Variants in DPP10 observed in about 807,000 individuals in gnomAD.
DPP10 encodes the protein inactive dipeptidyl peptidase 10.
A neutral mutation model predicts 120.9 loss-of-function variants in DPP10; 33 were observed. The ratio of observed to expected loss-of-function variants is 0.27; its 90% confidence interval spans 0.21 to 0.37. DPP10 has a LOEUF of 0.37. Among genes scored for constraint, DPP10 ranks in the 10% least tolerant of loss-of-function variants. The pLI, the probability that DPP10 is intolerant of heterozygous loss-of-function variation, is 1.00. For missense variants in DPP10, 816 were observed against 942.8 expected (o/e 0.87, Z 1.76); for synonymous variants, 337 against 326.1 (o/e 1.03, Z -0.36).
At chr2:114,783,507 A>G (rs2106204142) in intron 1 of DPP10, among the ~76,000 whole-genome samples, 1 of 152,174 alleles carries the variant, frequency 6.6e-6, no homozygotes, top group South Asian at 2.1e-4. Flanking sequence ...TAAACATAAA[A>G]TATTTGCATT....
chr2:114,868,144 A>G (rs1399573075), intron 1 of DPP10, among the ~76,000 whole-genome samples: 1 of 152,184 alleles, frequency 6.6e-6, no homozygotes, highest in Non-Finnish European at 1.5e-5. Context: ...TATGATTTGA[A>G]TACTTAAGAC....
At chr2:115,656,060 T>C (rs1168645279) in intron 5 of DPP10, among the ~76,000 whole-genome samples, 2 of 151,604 alleles carry the variant, frequency 1.3e-5, no homozygotes, top group East Asian at 3.9e-4. Flanking sequence ...TAACATAGTA[T>C]CTATATTAAT....
intron 1 of DPP10, among the ~76,000 whole-genome samples, chr2:115,231,119 G>C (rs1055198907): frequency 1.3e-5 from 2 of 151,778 alleles, no homozygotes; most frequent in Non-Finnish European, 2.9e-5. Flanking sequence ...CTGCATAACT[G>C]TGTTTTAAGT....
chr2:114,722,755 G>A (rs1701781697), intron 1 of DPP10, among the ~76,000 whole-genome samples: 4 of 105,874 alleles, frequency 3.8e-5, no homozygotes, highest in Non-Finnish European at 6.7e-5. Flanking sequence ...CAGCCTGGGA[G>A]ACAGAGCTAG....
At chr2:115,463,589 G>A (rs1253774569) in intron 3 of DPP10, among the ~76,000 whole-genome samples, 2 of 152,104 alleles carry the variant, frequency 1.3e-5, no homozygotes, top group Non-Finnish European at 2.9e-5. Flanking sequence ...AATACACAAA[G>A]TGTAATTTAT....
intron 1 of DPP10, among the ~76,000 whole-genome samples, chr2:114,814,550 C>T (rs906979462): frequency 2.0e-5 from 3 of 152,034 alleles, no homozygotes; most frequent in African/African-American, 7.2e-5. Context: ...ATTACCATGT[C>T]AGCATATTGC....
intron 1 of DPP10, among the ~76,000 whole-genome samples, chr2:114,861,955 C>T (rs370947664): frequency 4.6e-5 from 7 of 152,102 alleles, no homozygotes; most frequent in Middle Eastern, 3.4e-3. Context: ...AAAAACAAAA[C>T]AATGAGTGAA....
At chr2:115,681,211 A>T (rs554884795) in intron 5 of DPP10, among the ~76,000 whole-genome samples, 2 of 151,946 alleles carry the variant, frequency 1.3e-5, no homozygotes, top group Non-Finnish European at 3.0e-5. Context: ...TTTTGAGAAT[A>T]TATCCTAAGC....
At chr2:115,449,241 A>T (rs952984443) in intron 3 of DPP10, among the ~76,000 whole-genome samples, 3 of 152,252 alleles carry the variant, frequency 2.0e-5, no homozygotes, top group Non-Finnish European at 2.9e-5. Context: ...TTGATGCAAG[A>T]TATACTGTGA....
intron 1 of DPP10, among the ~76,000 whole-genome samples, chr2:114,934,845 G>T (rs1191429753): frequency 1.3e-5 from 2 of 152,084 alleles, no homozygotes; most frequent in Non-Finnish European, 2.9e-5. Context: ...TAGTATCATA[G>T]CGTTCATTTT....
At chr2:114,975,288 CT>C (rs1699679632) in intron 1 of DPP10, among the ~76,000 whole-genome samples, 1 of 152,182 alleles carries the variant, frequency 6.6e-6, no homozygotes, top group Non-Finnish European at 1.5e-5. Flanking sequence ...TCATGATCCA[CT>C]CACCTTGGCC....
At chr2:114,766,063 G>T (rs968822360) in intron 1 of DPP10, among the ~76,000 whole-genome samples, 2 of 151,350 alleles carry the variant, frequency 1.3e-5, no homozygotes, top group Non-Finnish European at 2.9e-5. Flanking sequence ...AAGGACTTAA[G>T]AAATTAAAAT....
chr2:114,494,244 T>G (rs1682296491), intron 1 of DPP10, among the ~76,000 whole-genome samples: 1 of 152,162 alleles, frequency 6.6e-6, no homozygotes, highest in Non-Finnish European at 1.5e-5. Context: ...TTCTGCCTCA[T>G]TTTCCTCATT....
At chr2:115,254,276 G>GCACTTA (rs2058878056) in intron 1 of DPP10, among the ~76,000 whole-genome samples, 1 of 152,070 alleles carries the variant, frequency 6.6e-6, no homozygotes, top group Non-Finnish European at 1.5e-5. Context: ...AGAAAAGAGG[G>GCACTTA]GAAAACCCCT....
At position 115,668,933 on chromosome 2, in the gene DPP10, T is replaced by A. The variant is rs1441164188; in HGVS notation, c.442-20754T>A. 7.9e-5 allele frequency among the ~76,000 whole-genome samples: 12 copies of A among 152,314 alleles called. No individual in the cohort carries two copies. The South Asian group carries it at 2.3e-3, about 29-fold the overall frequency. ...ATATGAAAATCCTACTGTTCTTTTA[T>A]CAGTATAAACTTATTTAATAATCTG... On this transcript the variant is annotated intron_variant, in intron 5 of 25. Coordinates refer to ENST00000410059, the MANE Select transcript of DPP10 (RefSeq NM_020868.6).
At chr2:114,805,214 T>G (rs1372731846) in intron 1 of DPP10, among the ~76,000 whole-genome samples, 1 of 152,216 alleles carries the variant, frequency 6.6e-6, no homozygotes, top group African/African-American at 2.4e-5. Flanking sequence ...CCTCATTTTC[T>G]TCCCAGTCTC....
chr2:114,504,038 A>G (rs1024346599), intron 1 of DPP10, among the ~76,000 whole-genome samples: 1 of 152,170 alleles, frequency 6.6e-6, no homozygotes, highest in African/African-American at 2.4e-5. Context: ...CTTTCTAGTC[A>G]TTTGTTACAG....
At chr2:114,714,071 T>TTGTGTGTG (rs59076753) in intron 1 of DPP10, among the ~76,000 whole-genome samples, 25 of 147,428 alleles carry the variant, frequency 1.7e-4, no homozygotes, top group Admixed American at 4.0e-4. Flanking sequence ...GGATTTGTGT[T>TTGTGTGTG]TGTGTGTGTG....
chr2:115,551,677 G>A (rs1453650756), intron 5 of DPP10, among the ~76,000 whole-genome samples: 3 of 151,980 alleles, frequency 2.0e-5, no homozygotes, highest in African/African-American at 2.4e-5. Context: ...TGGTACAATC[G>A]ACATTTAAGC....
Sources: allele counts gnomAD v4.1 joint callset (sites outside exome capture counted in the v4.1 genomes callset), GRCh38; gene constraint gnomAD v4.1.1; transcripts MANE v1.5; gene names NCBI Gene and HGNC (gene_info 2026-07-23, HGNC 2026-07-21).